Variants in STAG1 observed in about 807,000 individuals in gnomAD.
STAG1 encodes STAG1 cohesin complex component.
STAG1 carries 26 observed loss-of-function variants against 170.9 expected under a neutral mutation model. That is an observed-to-expected ratio of 0.15 (90% CI 0.11 to 0.21). The LOEUF (loss-of-function observed/expected upper bound fraction) is 0.21, where lower values mean the gene tolerates loss of function less well. Among genes scored for constraint, STAG1 ranks in the 10% least tolerant of loss-of-function variants. The pLI is 1.00. For missense variants in STAG1, 964 were observed against 1,509.5 expected, an observed-to-expected ratio of 0.64 and a Z score of 5.99; for synonymous variants, 514 against 497.7, an observed-to-expected ratio of 1.03 and a Z score of -0.44.
chr3:136,504,112 T>G (rs17298882), intron 7 of STAG1, among the ~76,000 whole-genome samples: 9,687 of 152,178 alleles, frequency 0.064, 457 homozygotes, highest in Non-Finnish European at 0.099. Flanking sequence ...TGTATCTGTA[T>G]TTCTATCTAC....
intron 6 of STAG1, among the ~76,000 whole-genome samples, chr3:136,525,269 C>G (rs1346553215): frequency 7.9e-5 from 12 of 152,306 alleles, no homozygotes. Context: ...GTCTCAATTT[C>G]AGAACCTGTT....
chr3:136,740,220 G>T (rs1267461819), intron 1 of STAG1, among the ~76,000 whole-genome samples: 1 of 152,064 alleles, frequency 6.6e-6, no homozygotes, highest in East Asian at 1.9e-4. Context: ...TCCAGCCCGG[G>T]CAACAAAGCG....
intron 22 of STAG1, among the ~76,000 whole-genome samples, chr3:136,396,518 G>GT (rs1560085062): frequency 2.3e-5 from 2 of 87,146 alleles, no homozygotes; most frequent in African/African-American, 9.2e-5. Context: ...ACCGCGCCTG[G>GT]CCTTTTTTTT....
At chr3:136,525,147 T>C (rs1475162442) in intron 6 of STAG1, among the ~76,000 whole-genome samples, 1 of 152,216 alleles carries the variant, frequency 6.6e-6, no homozygotes, top group African/African-American at 2.4e-5. Context: ...TTTCGGTTGA[T>C]TGGAATAGTT....
At chr3:136,613,874 G>A (rs1411557806) in intron 3 of STAG1, among the ~76,000 whole-genome samples, 1 of 152,118 alleles carries the variant, frequency 6.6e-6, no homozygotes, top group Non-Finnish European at 1.5e-5. Context: ...TTCTTTATAT[G>A]TGCACTGTCC....
chr3:136,742,668 T>C (rs142365772), intron 1 of STAG1, among the ~76,000 whole-genome samples: 2,419 of 151,426 alleles, frequency 0.016, 77 homozygotes, highest in African/African-American at 0.055. Context: ...TGAGCAGAGA[T>C]TGCGCCACTG....
At chr3:136,682,802 A>T (rs112450050) in intron 1 of STAG1, among the ~76,000 whole-genome samples, 7 of 152,338 alleles carry the variant, frequency 4.6e-5, no homozygotes, top group African/African-American at 1.4e-4. Context: ...AAGGCTCTCC[A>T]AGAGATATTT....
At chr3:136,546,716 C>T (rs973380968) in intron 5 of STAG1, among the ~76,000 whole-genome samples, 1 of 152,144 alleles carries the variant, frequency 6.6e-6, no homozygotes, top group African/African-American at 2.4e-5. Context: ...CAAAGAGAAG[C>T]TGCCCACATT....
intron 24 of STAG1, among the ~76,000 whole-genome samples, chr3:136,368,820 A>C (rs993638578): frequency 6.6e-6 from 1 of 152,114 alleles, no homozygotes; most frequent in Non-Finnish European, 1.5e-5. Context: ...TTTCTGAACT[A>C]TATGAATGTA....
chr3:136,377,223 T>G (rs1020095333), intron 23 of STAG1, among the ~76,000 whole-genome samples: 93 of 148,354 alleles, frequency 6.3e-4, no homozygotes, highest in African/African-American at 2.2e-3. Context: ...CCGTCTCTAC[T>G]AAAAATACAA....
chr3:136,596,084 G>A (rs528358781), intron 4 of STAG1, among the ~76,000 whole-genome samples: 64 of 152,268 alleles, frequency 4.2e-4, no homozygotes, highest in African/African-American at 1.3e-3. Context: ...CTGTTGAAAT[G>A]GCAACAAAGG....
chr3:136,568,986 T>C (rs1408282231), intron 4 of STAG1, 125 bp from the exon 5 acceptor site: 1 of 652,704 alleles, frequency 1.5e-6, no homozygotes, highest in Admixed American at 3.0e-5. Flanking sequence ...TTACCTGAAA[T>C]TATTTCTCTG....
At position 136,644,886 on chromosome 3, in the gene STAG1, A is replaced by G. The variant is rs375440306; in HGVS notation, c.-83-13905T>C. On this transcript the variant is annotated intron_variant, in intron 1 of 33. Coordinates refer to ENST00000383202, the MANE Select transcript of STAG1 (RefSeq NM_005862.3). ...TAGGCACCTGCCACCATGCCCAGCT[A>G]ATTTTTTGTATTTTTGGTAGAGACA... Among the ~76,000 whole-genome samples the G allele has an allele frequency of 2.6e-5, 4 of 152,118 alleles. No homozygotes were observed. In the East Asian group the frequency reaches 7.7e-4, roughly 29 times the overall value.
At chr3:136,710,943 A>G (rs939937892) in intron 1 of STAG1, among the ~76,000 whole-genome samples, 5 of 152,054 alleles carry the variant, frequency 3.3e-5, no homozygotes, top group Admixed American at 1.3e-4. Flanking sequence ...TAAATACTGG[A>G]GATGCTTTAG....
At chr3:136,397,149 T>C (rs2087187206) in intron 22 of STAG1, among the ~76,000 whole-genome samples, 1 of 152,204 alleles carries the variant, frequency 6.6e-6, no homozygotes, top group South Asian at 2.1e-4. Flanking sequence ...CATACTAATA[T>C]CTTTATTTGG....
chr3:136,690,864 G>C lies in STAG1; in HGVS notation c.-83-59883C>G, dbSNP rs554095208. Among the ~76,000 whole-genome samples, 13 of 151,704 alleles carry C rather than the reference G, an allele frequency of 8.6e-5. No individual in the cohort carries two copies. The South Asian group carries it at 2.7e-3, about 32-fold the overall frequency. ...ATAATTTCTTTGGTGGATTTGACTA[G>C]TAGGGCAGTGGCTGGGATAGTTCTC... On this transcript the variant is annotated intron_variant, in intron 1 of 33. Coordinates refer to ENST00000383202, the MANE Select transcript of STAG1 (RefSeq NM_005862.3).
chr3:136,498,210 TTATATATA>T (rs374645920), intron 9 of STAG1, among the ~76,000 whole-genome samples: 20,892 of 51,112 alleles, frequency 0.41, 3,849 homozygotes, highest in South Asian at 0.55. Context: ...AAAAAAAAAA[TTATATATA>T]TATATATATA....
At chr3:136,561,532 G>GT (rs1341101003) in intron 5 of STAG1, among the ~76,000 whole-genome samples, 3 of 152,138 alleles carry the variant, frequency 2.0e-5, no homozygotes, top group Non-Finnish European at 4.4e-5. Flanking sequence ...CTGTAGGATA[G>GT]TAATTTTTCT....
chr3:136,749,956 A>G (rs1347125556), intron 1 of STAG1, among the ~76,000 whole-genome samples: 1 of 152,040 alleles, frequency 6.6e-6, no homozygotes, highest in Non-Finnish European at 1.5e-5. Context: ...ATAAAGATAT[A>G]AAGATACAGG....
Sources: gnomAD v4.1 joint callset for allele counts (sites outside exome capture counted in the v4.1 genomes callset) on GRCh38, gnomAD v4.1.1 for gene constraint, MANE v1.5 for transcripts, NCBI Gene and HGNC (gene_info 2026-07-23, HGNC 2026-07-21) for gene names.